The following GABRR2 variants were observed in gnomAD, a reference collection of about 807,000 sequenced individuals.
GABRR2 encodes gamma-aminobutyric acid receptor subunit rho-2.
GABRR2 carries 36 observed loss-of-function variants against 47.0 expected under a neutral mutation model. The observed-to-expected ratio is 0.77, with a 90% CI of 0.59 to 1.01. The LOEUF is 1.01. GABRR2 is among the 50% of genes least tolerant of loss of function. The pLI is 0.00. For missense variants in GABRR2, 587 were observed against 594.6 expected, an observed-to-expected ratio of 0.99 and a Z score of 0.13; for synonymous variants, 204 against 227.5, an observed-to-expected ratio of 0.90 and a Z score of 0.93.
chr6:89,267,947 GATTACTA>G, intron 5 of GABRR2, 60 bp downstream of exon 5: 2 of 1,578,966 alleles, frequency 1.3e-6, no homozygotes, highest in Non-Finnish European at 1.7e-6. Flanking sequence ...TCAGTCTCAT[GATTACTA>G]AAATGGCACA....
At chr6:89,303,434 A>G (rs1225817932) in intron 1 of GABRR2, among the ~76,000 whole-genome samples, 1 of 152,060 alleles carries the variant, frequency 6.6e-6, no homozygotes, top group East Asian at 1.9e-4. Context: ...AAAAGAAATC[A>G]GAGATGACAC....
intron 8 of GABRR2, among the ~76,000 whole-genome samples, chr6:89,261,170 G>C (rs966637352): frequency 1.3e-5 from 2 of 152,312 alleles, no homozygotes; most frequent in South Asian, 2.1e-4. Context: ...TCAGATGAAG[G>C]CTTTGCTATT....
At chr6:89,291,139 T>C (rs1774433504) in intron 2 of GABRR2, among the ~76,000 whole-genome samples, 1 of 152,170 alleles carries the variant, frequency 6.6e-6, no homozygotes, top group Non-Finnish European at 1.5e-5. Flanking sequence ...TGCCCTAGGT[T>C]CCTCTGATTC....
intron 8 of GABRR2, among the ~76,000 whole-genome samples, chr6:89,262,561 A>C (rs1027256889): frequency 8.5e-5 from 13 of 152,156 alleles, no homozygotes; most frequent in African/African-American, 3.1e-4. Context: ...TAAATTTCTG[A>C]TTTTTTTAAA....
Position 89,264,495 on chromosome 6 carries a change from C to A in GABRR2, c.1003G>T (p.Val335Leu), listed in dbSNP as rs756735401. 2 of 1,614,108 alleles carry A rather than the reference C, an allele frequency of 1.2e-6. No homozygotes were observed. The highest frequency in any genetic ancestry group is 1.7e-6 in the Non-Finnish European group (2 of 1,180,012). ...DIYLWVSFVFVFLSVLEYAAV... is the reference protein window; with the variant it reads ...DIYLWVSFVFLFLSVLEYAAV... The stretch of plus-strand genomic sequence containing the variant: ...GCATACTCCAGCACCGAGAGGAACA[C>A]GAACACAAAGCTGACCCAGAGGTAG... Residue 335 changes from valine (V) to leucine (L), a missense_variant, in exon 8 of 9, where the codon GTG becomes TTG. Physicochemically the swap from Val to Leu is conservative, Grantham distance 32 (BLOSUM62 1). Coordinates refer to ENST00000402938, the MANE Select transcript of GABRR2 (RefSeq NM_002043.5).
At chr6:89,308,940 G>A (rs1177909643) in intron 1 of GABRR2, among the ~76,000 whole-genome samples, 1 of 152,296 alleles carries the variant, frequency 6.6e-6, no homozygotes, top group Admixed American at 6.5e-5. Context: ...GGAGGTGGAC[G>A]ATAAACCAGT....
intron 2 of GABRR2, among the ~76,000 whole-genome samples, chr6:89,285,815 C>T (rs991630643): frequency 1.3e-5 from 2 of 152,060 alleles, no homozygotes; most frequent in East Asian, 3.9e-4. Flanking sequence ...CCCACTGGCG[C>T]GCCCCCTCCT....
chr6:89,309,067 G>A (rs1767630375), intron 1 of GABRR2, among the ~76,000 whole-genome samples: 1 of 152,182 alleles, frequency 6.6e-6, no homozygotes, highest in Admixed American at 6.5e-5. Context: ...GAGGGAGGGA[G>A]TCATGAGAGG....
At chr6:89,284,436 C>T (rs906840656) in intron 2 of GABRR2, among the ~76,000 whole-genome samples, 1 of 152,130 alleles carries the variant, frequency 6.6e-6, no homozygotes, top group African/African-American at 2.4e-5. Flanking sequence ...ATTAAGGTAG[C>T]GAATCAGCTG....
intron 2 of GABRR2, among the ~76,000 whole-genome samples, chr6:89,277,973 A>G (rs1001405337): frequency 2.0e-5 from 3 of 152,170 alleles, no homozygotes; most frequent in African/African-American, 7.2e-5. Flanking sequence ...ACTTCGAGAA[A>G]TGTATGTGAA....
chr6:89,264,929 C>T (rs1181174922), intron 7 of GABRR2, among the ~76,000 whole-genome samples: 1 of 152,106 alleles, frequency 6.6e-6, no homozygotes, highest in Admixed American at 6.5e-5. Context: ...CGTTCTCAAA[C>T]TTCTCATCTT....
chr6:89,256,487 TGACAAGAGTTGCTGTGTAGTAAAG>T lies in GABRR2; in HGVS notation c.*1159_*1182del, dbSNP rs1424243281. On this transcript the variant is annotated 3_prime_UTR_variant, in exon 9 of 9. Transcript: ENST00000402938. ...GCAATTAACATTAACAATAGGGAAT[TGACAAGAGTTGCTGTGTAGTAAAG>T]GACTAACCTTTACTAGGAAGCAACC... 7.9e-5 allele frequency among the ~76,000 whole-genome samples: 12 copies of T among 152,286 alleles called. No homozygotes were observed. The highest frequency in any genetic ancestry group is 2.9e-4 in the African/African-American group (12 of 41,548).
At chr6:89,310,400 CCTACCTCT>C (rs2127851760) in intron 1 of GABRR2, among the ~76,000 whole-genome samples, 2 of 152,220 alleles carry the variant, frequency 1.3e-5, no homozygotes. Context: ...TGGTTTTCCT[CCTACCTCT>C]CTGACAGGCG....
intron 2 of GABRR2, among the ~76,000 whole-genome samples, chr6:89,293,557 C>T (rs1017468672): frequency 2.0e-5 from 3 of 152,122 alleles, no homozygotes; most frequent in African/African-American, 4.8e-5. Flanking sequence ...GAGGCTAAGG[C>T]GGGCAGATCA....
At chr6:89,289,609 G>A (rs563156039) in intron 2 of GABRR2, among the ~76,000 whole-genome samples, 13 of 152,242 alleles carry the variant, frequency 8.5e-5, no homozygotes, top group African/African-American at 4.8e-5. Context: ...TGGGGGGCAC[G>A]CCAGAGCAGG....
intron 2 of GABRR2, among the ~76,000 whole-genome samples, chr6:89,280,251 T>TACAC (rs201349296): frequency 8.7e-5 from 9 of 102,986 alleles, no homozygotes; most frequent in Non-Finnish European, 1.5e-4. Flanking sequence ...TATATATATA[T>TACAC]ATACATACAT....
chr6:89,286,678 A>G (rs960826957), intron 2 of GABRR2, among the ~76,000 whole-genome samples: 3 of 151,992 alleles, frequency 2.0e-5, no homozygotes, highest in African/African-American at 7.2e-5. Context: ...TCACCTCCAC[A>G]CAGATGGGGT....
At chr6:89,302,098 C>A (rs1767452424) in intron 1 of GABRR2, 2 of 629,090 alleles carry the variant, frequency 3.2e-6, no homozygotes, top group South Asian at 3.3e-5. Context: ...GGGGTCACTA[C>A]ACGGAGGGTG....
At chr6:89,264,859 A>G (rs9294426) in intron 7 of GABRR2, among the ~76,000 whole-genome samples, 105,868 of 151,998 alleles carry the variant, frequency 0.7, 37,026 homozygotes, top group South Asian at 0.76. Flanking sequence ...TGGCTGACAA[A>G]GAGAGGACCT....
Sources: gnomAD v4.1 joint callset for allele counts (sites outside exome capture counted in the v4.1 genomes callset) on GRCh38, gnomAD v4.1.1 for gene constraint, MANE v1.5 for transcripts, NCBI Gene and HGNC (gene_info 2026-07-23, HGNC 2026-07-21) for gene names.